ELP1: variants seen among roughly 807,000 people sequenced by gnomAD.
ELP1 encodes the protein elongator acetyltransferase complex subunit 1, also known as elongator complex protein 1.
Under a neutral mutation model 183.2 loss-of-function variants are expected in ELP1, and 131 were observed. That is an observed-to-expected ratio of 0.72 (90% CI 0.62 to 0.83). The LOEUF is 0.83. Among genes scored for constraint, ELP1 ranks in the 40% least tolerant of loss-of-function variants. The pLI is 0.00. For missense variants in ELP1, 1,550 were observed against 1,594.9 expected (o/e 0.97, Z 0.48); for synonymous variants, 555 against 569.0 (o/e 0.98, Z 0.35).
chr9:108,882,336 A>G, intron 29 of ELP1, 149 bp from the exon 30 acceptor site: 1 of 666,930 alleles, frequency 1.5e-6, no homozygotes, highest in South Asian at 1.5e-5. Flanking sequence ...CCTAGAGTTC[A>G]TGACTCCATA....
intron 36 of ELP1, among the ~76,000 whole-genome samples, chr9:108,873,864 C>G (rs1219028510): frequency 1.3e-5 from 2 of 150,520 alleles, no homozygotes; most frequent in Non-Finnish European, 3.0e-5. Flanking sequence ...GTTTTTTTTT[C>G]TAAATGAAAA....
chr9:108,914,174 G>C (rs1427037986), intron 10 of ELP1, among the ~76,000 whole-genome samples: 7 of 151,992 alleles, frequency 4.6e-5, no homozygotes, highest in Non-Finnish European at 1.0e-4. Context: ...GGCCGAGACG[G>C]GCAGATCACG....
At position 108,919,158 on chromosome 9, in the gene ELP1, T is replaced by C. The variant is rs1829553454; in HGVS notation, c.649+95A>G. On this transcript the variant is annotated intron_variant, in intron 7 of 36. Transcript: ENST00000374647. ...CACATCCTTGCCTCATATGTATAAT[T>C]AATACCCTACTCAAAGCAAAAGAAA... 3 of 848,670 alleles carry C rather than the reference T, an allele frequency of 3.5e-6. No homozygotes were observed. The East Asian group carries it at 7.9e-5, about 22-fold the overall frequency. The allele number at this position is 848,670 out of a possible 1,614,324, so 52.6% of individuals were successfully genotyped here.
At chr9:108,898,303 T>C (rs1323885039) in intron 22 of ELP1, among the ~76,000 whole-genome samples, 199 bp downstream of exon 22, 2 of 152,194 alleles carry the variant, frequency 1.3e-5, no homozygotes, top group East Asian at 1.9e-4. Flanking sequence ...GAATGACATG[T>C]TTTAAGGACA....
intron 28 of ELP1, 196 bp from the exon 29 acceptor site, chr9:108,889,589 T>C (rs1423347857): frequency 3.1e-6 from 2 of 636,598 alleles, no homozygotes; most frequent in African/African-American, 3.6e-5. Flanking sequence ...GAAAATCATA[T>C]ACAGCCAAAA....
intron 14 of ELP1, among the ~76,000 whole-genome samples, chr9:108,904,358 C>T (rs1415836843): frequency 6.6e-6 from 1 of 151,464 alleles, no homozygotes; most frequent in Non-Finnish European, 1.5e-5. Context: ...GATCCTCCCA[C>T]CTCACCTTCT....
chr9:108,914,918 G>A (rs976209405), intron 10 of ELP1, among the ~76,000 whole-genome samples: 17 of 152,124 alleles, frequency 1.1e-4, no homozygotes, highest in Admixed American at 6.5e-4. Context: ...ATGAGCCACC[G>A]CACCTGGCCC....
chr9:108,893,135 T>G, intron 26 of ELP1, 52 bp from the exon 27 acceptor site: 1 of 1,254,614 alleles, frequency 8.0e-7, no homozygotes, highest in Middle Eastern at 2.0e-4. Context: ...GGAAGCATAA[T>G]GGACTTCATT....
chr9:108,879,991 T>C, intron 32 of ELP1, 61 bp downstream of exon 32: 2 of 1,025,780 alleles, frequency 1.9e-6, no homozygotes, highest in East Asian at 2.4e-5. Flanking sequence ...ATCTAGACAA[T>C]GTGTGGCGTT....
At chr9:108,919,520 T>C (rs1829567945) in intron 6 of ELP1, among the ~76,000 whole-genome samples, 171 bp from the exon 7 acceptor site, 1 of 145,240 alleles carries the variant, frequency 6.9e-6, no homozygotes, top group Admixed American at 6.9e-5. Flanking sequence ...GCAGAAATCA[T>C]CAAAAAGAAG....
At chr9:108,917,113 G>A (rs940511370) in intron 9 of ELP1, among the ~76,000 whole-genome samples, 2 of 152,120 alleles carry the variant, frequency 1.3e-5, no homozygotes, top group Non-Finnish European at 1.5e-5. Flanking sequence ...GTTCTAGGAA[G>A]CCACCATTTT....
intron 5 of ELP1, among the ~76,000 whole-genome samples, chr9:108,924,140 A>T (rs1178163002): frequency 1.3e-5 from 2 of 152,224 alleles, no homozygotes; most frequent in African/African-American, 2.4e-5. Flanking sequence ...ATGGAAGACA[A>T]GAAATGATGC....
chr9:108,887,967 A>G (rs933273720), intron 29 of ELP1, among the ~76,000 whole-genome samples: 2 of 152,198 alleles, frequency 1.3e-5, no homozygotes, highest in African/African-American at 4.8e-5. Flanking sequence ...AAAGACCTGC[A>G]CTAGAATGTT....
intron 24 of ELP1, 37 bp from the exon 25 acceptor site, chr9:108,896,681 T>A: frequency 6.2e-7 from 1 of 1,607,596 alleles, no homozygotes; most frequent in Non-Finnish European, 8.5e-7. Context: ...AACACAATCA[T>A]TTGGGGAAAA....
intron 18 of ELP1, 53 bp from the exon 19 acceptor site, chr9:108,900,428 A>AT (rs1828734037): frequency 1.6e-6 from 2 of 1,220,612 alleles, no homozygotes; most frequent in East Asian, 4.7e-5. Flanking sequence ...GCCACTCTCC[A>AT]TTAACTGCAA....
chr9:108,872,831 A>C (rs1368670620), intron 36 of ELP1, among the ~76,000 whole-genome samples: 4 of 146,664 alleles, frequency 2.7e-5, no homozygotes, highest in Non-Finnish European at 6.0e-5. Flanking sequence ...AAAAAAAAAA[A>C]AAAAAAAACT....
rs1564100993 is a variant in ELP1 at position 108,917,587 on chromosome 9, T to C, written c.824A>G (p.His275Arg). The C allele has an allele frequency of 6.2e-7, 1 of 1,613,994 alleles. No individual in the cohort carries two copies. Among genetic ancestry groups the C allele is most frequent in the East Asian group, 2.2e-5 (1 of 44,874 alleles). The part of the protein sequence containing the change: ...IVFFEKNGLL[H>R]GHFTLPFLKD... ...AAGGAAGGGAAGTGTAAAGTGTCCA[T>C]GAAGGAGTCCATTTTTCTCAAAAAA... Residue 275 changes from histidine to arginine, a missense_variant, in exon 9 of 37, where the codon CAT becomes CGT. Coordinates refer to ENST00000374647, the MANE Select transcript of ELP1 (RefSeq NM_003640.5).
chr9:108,877,967 A>C (rs780376545), intron 35 of ELP1, 28 bp downstream of exon 35: 29 of 1,613,798 alleles, frequency 1.8e-5, no homozygotes, highest in Non-Finnish European at 2.5e-5. Context: ...TGATGAAAAA[A>C]ATGCACACCG....
intron 14 of ELP1, among the ~76,000 whole-genome samples, chr9:108,903,961 G>A (rs181804535): frequency 6.9e-4 from 105 of 152,146 alleles, no homozygotes; most frequent in African/African-American, 2.2e-3. Context: ...AACCCAATAA[G>A]GTAGTTGTTT....
Sources: allele counts gnomAD v4.1 joint callset (sites outside exome capture counted in the v4.1 genomes callset), GRCh38; gene constraint gnomAD v4.1.1; transcripts MANE v1.5; gene names NCBI Gene and HGNC (gene_info 2026-07-23, HGNC 2026-07-21).